Variants in ARID4A observed in about 807,000 individuals in gnomAD.
ARID4A encodes the protein AT-rich interactive domain-containing protein 4A.
A neutral mutation model predicts 148.6 loss-of-function variants in ARID4A; 39 were observed. The observed-to-expected ratio is 0.26, with a 90% CI of 0.20 to 0.34. ARID4A has a LOEUF of 0.34. Among genes scored for constraint, ARID4A ranks in the 10% least tolerant of loss-of-function variants. ARID4A has a pLI of 1.00. For synonymous variants in ARID4A, 475 were observed against 481.2 expected, an observed-to-expected ratio of 0.99 and a Z score of 0.17; for missense variants, 1,265 against 1,449.1, an observed-to-expected ratio of 0.87 and a Z score of 2.06.
chr14:58,366,556 T>G (rs1457574307), intron 22 of ARID4A, among the ~76,000 whole-genome samples: 1 of 152,176 alleles, frequency 6.6e-6, no homozygotes, highest in African/African-American at 2.4e-5. Flanking sequence ...TAACTAGTAG[T>G]AGTGAAGAAA....
chr14:58,341,798 TATC>T (rs796632374), intron 11 of ARID4A, among the ~76,000 whole-genome samples: 64 of 152,314 alleles, frequency 4.2e-4, no homozygotes, highest in African/African-American at 1.5e-3. Context: ...TTCTTGAAAT[TATC>T]ATCATGAATG....
intron 5 of ARID4A, among the ~76,000 whole-genome samples, chr14:58,312,162 T>C (rs1282608309): frequency 1.3e-5 from 2 of 152,074 alleles, no homozygotes; most frequent in African/African-American, 4.8e-5. Flanking sequence ...CATTCCACAA[T>C]GTATACATAT....
chr14:58,311,784 T>TA (rs2032052223), intron 5 of ARID4A, among the ~76,000 whole-genome samples: 1 of 152,164 alleles, frequency 6.6e-6, no homozygotes, highest in African/African-American at 2.4e-5. Flanking sequence ...TGACATTTCT[T>TA]ACAACATGGT....
intron 17 of ARID4A, among the ~76,000 whole-genome samples, chr14:58,358,715 A>G (rs542527674): frequency 6.6e-6 from 1 of 152,348 alleles, no homozygotes; most frequent in African/African-American, 2.4e-5. Context: ...TTGATAAAAT[A>G]ACCTGAAACT....
At chr14:58,353,918 T>A in intron 17 of ARID4A, 63 bp downstream of exon 17, 1 of 1,398,388 alleles carries the variant, frequency 7.2e-7, no homozygotes, top group Non-Finnish European at 1.0e-6. Context: ...AACATCAACT[T>A]AATGTTATGA....
intron 19 of ARID4A, among the ~76,000 whole-genome samples, chr14:58,362,229 AC>A (rs2035163120): frequency 6.6e-6 from 1 of 152,106 alleles, no homozygotes; most frequent in South Asian, 2.1e-4. Flanking sequence ...GTATAGGTGA[AC>A]ATATTTTATT....
intron 7 of ARID4A, among the ~76,000 whole-genome samples, chr14:58,322,980 A>AAAAAAATAT (rs1255021613): frequency 1.1e-3 from 124 of 114,234 alleles, no homozygotes; most frequent in African/African-American, 1.7e-3. Flanking sequence ...AAAAAAAAAA[A>AAAAAAATAT]ATATATATAT....
chr14:58,311,720 T>G (rs145303538), intron 5 of ARID4A, among the ~76,000 whole-genome samples: 2 of 152,136 alleles, frequency 1.3e-5, no homozygotes, highest in African/African-American at 4.8e-5. Flanking sequence ...ATAAAGAAAA[T>G]GTGATATATA....
Position 58,347,777 on chromosome 14 carries a change from G to C in ARID4A, c.1303G>C (p.Asp435His). 6.2e-7 allele frequency: 1 copy of C among 1,613,852 alleles called. No homozygotes were observed. The change falls in exon 15 of 24, where the codon GAT becomes CAT. Residue 435 changes from aspartate (D) to histidine (H), a missense_variant. Asp to His is a moderately conservative substitution (Grantham distance 81). Coordinates refer to ENST00000355431, the MANE Select transcript of ARID4A (RefSeq NM_002892.4). ...EESMEEALKL[D>H]QEMPLTEVKS... ...ATCAATGGAAGAGGCTCTCAAATTA[G>C]ATCAAGAAATGCCTTTAACAGAAGT...
chr14:58,314,707 G>T (rs2032288964), intron 5 of ARID4A, among the ~76,000 whole-genome samples: 1 of 152,060 alleles, frequency 6.6e-6, no homozygotes, highest in Non-Finnish European at 1.5e-5. Flanking sequence ...AGGATTACAG[G>T]TGTGAGCCAT....
chr14:58,337,252 A>T (rs1484347518), intron 11 of ARID4A, among the ~76,000 whole-genome samples: 1 of 127,536 alleles, frequency 7.8e-6, no homozygotes, highest in East Asian at 2.2e-4. Context: ...TTATTTATAT[A>T]TATATATATA....
At chr14:58,369,960 G>T (rs1028950454) in intron 23 of ARID4A, 1 of 152,214 alleles carries the variant, frequency 6.6e-6, no homozygotes. Flanking sequence ...ACCTGATAGG[G>T]TTGATCATGT....
Position 58,305,060 on chromosome 14 carries a change from T to C in ARID4A, c.183+51T>C, listed in dbSNP as rs750596909. The C allele has an allele frequency of 6.3e-6, 9 of 1,428,486 alleles. No individual in the cohort carries two copies. The East Asian group carries it at 1.9e-4, about 30-fold the overall frequency. 88.5% of individuals were successfully genotyped at this position (1,428,486 alleles called of 1,614,324 possible). A position where few individuals can be genotyped will look rare whatever the true frequency, so the allele number is the denominator to read the frequency against. On this transcript the variant is annotated intron_variant, in intron 4 of 23. Coordinates refer to ENST00000355431, the MANE Select transcript of ARID4A (RefSeq NM_002892.4). ...CTGAAATAATCATAGATTTATACCATATTTACTGAATTTACATTTCTACAT... is the reference window on the plus strand; with the variant it reads ...CTGAAATAATCATAGATTTATACCACATTTACTGAATTTACATTTCTACAT...
chr14:58,347,628 T>A lies in ARID4A; in HGVS notation c.1173-19T>A. The A allele has an allele frequency of 4.0e-6, 6 of 1,489,270 alleles. No individual in the cohort carries two copies. Among genetic ancestry groups the A allele is most frequent in the Non-Finnish European group, 5.5e-6 (6 of 1,098,664 alleles). The allele number at this position is 1,489,270 out of a possible 1,614,324, so 92.3% of individuals were successfully genotyped here. A position where few individuals can be genotyped will look rare whatever the true frequency, so the allele number is the denominator to read the frequency against. On this transcript the variant is annotated intron_variant, in intron 14 of 23. Coordinates refer to ENST00000355431, the MANE Select transcript of ARID4A (RefSeq NM_002892.4). Reference sequence around the variant, plus strand: ...TGCAAAGACTGTAAGATTTCTTAAATGAAATATTGTTTGTTTAGGTATCTC... The same window carrying A: ...TGCAAAGACTGTAAGATTTCTTAAAAGAAATATTGTTTGTTTAGGTATCTC...
intron 15 of ARID4A, among the ~76,000 whole-genome samples, chr14:58,349,954 C>G (rs2034556505): frequency 6.6e-6 from 1 of 151,566 alleles, no homozygotes; most frequent in African/African-American, 2.4e-5. Context: ...ACTAAAAATA[C>G]AAAAATTAGC....
At chr14:58,324,407 C>G (rs192545040) in intron 8 of ARID4A, among the ~76,000 whole-genome samples, 5 of 152,228 alleles carry the variant, frequency 3.3e-5, no homozygotes, top group East Asian at 3.9e-4. Context: ...TCCCAAGCAG[C>G]TACAAGTACA....
At chr14:58,342,694 C>T (rs931484367) in intron 11 of ARID4A, among the ~76,000 whole-genome samples, 2 of 152,176 alleles carry the variant, frequency 1.3e-5, no homozygotes, top group African/African-American at 4.8e-5. Flanking sequence ...GGGTGGATCA[C>T]CTGAGGTCAG....
chr14:58,353,070 T>C (rs1017784667), intron 16 of ARID4A, among the ~76,000 whole-genome samples: 1 of 152,158 alleles, frequency 6.6e-6, no homozygotes, highest in African/African-American at 2.4e-5. Context: ...TTAAAAGACA[T>C]GGTTACTAAG....
At chr14:58,359,098 G>C (rs774809395) in intron 17 of ARID4A, 34 bp from the exon 18 acceptor site, 5 of 1,450,176 alleles carry the variant, frequency 3.4e-6, no homozygotes, top group African/African-American at 1.5e-5. Context: ...TATAAAGTTT[G>C]TACAAACTCT....
Sources: allele counts gnomAD v4.1 joint callset (sites outside exome capture counted in the v4.1 genomes callset), GRCh38; gene constraint gnomAD v4.1.1; transcripts MANE v1.5; gene names NCBI Gene and HGNC (gene_info 2026-07-23, HGNC 2026-07-21).